THEMIS: variants seen among roughly 807,000 people sequenced by gnomAD.
THEMIS encodes the protein protein THEMIS.
Under a neutral mutation model 52.6 loss-of-function variants are expected in THEMIS, and 37 were observed. The observed-to-expected ratio is 0.70, with a 90% confidence interval of 0.54 to 0.93. THEMIS has a LOEUF of 0.93. Among genes scored for constraint, THEMIS ranks in the 40% least tolerant of loss-of-function variants. The probability of loss-of-function intolerance (pLI) is 0.00; values close to 1 mark genes in which losing one functional copy is unlikely to be tolerated. For synonymous variants in THEMIS, 292 were observed against 272.7 expected, an observed-to-expected ratio of 1.07 and a Z score of -0.70; for missense variants, 808 against 763.1, an observed-to-expected ratio of 1.06 and a Z score of -0.69.
chr6:127,851,938 A>G (rs968306717), intron 2 of THEMIS, among the ~76,000 whole-genome samples: 1 of 151,648 alleles, frequency 6.6e-6, no homozygotes, highest in Admixed American at 6.6e-5. Flanking sequence ...AATTTGATGT[A>G]TGCTTTCTAT....
At chr6:127,807,219 G>T in intron 4 of THEMIS, 1 of 185,526 alleles carries the variant, frequency 5.4e-6, no homozygotes, top group South Asian at 7.2e-5. Context: ...AAATTACCTG[G>T]ACGTGGTGGG....
chr6:127,904,725 T>A (rs9398859), upstream of THEMIS, among the ~76,000 whole-genome samples: 1 of 152,020 alleles, frequency 6.6e-6, no homozygotes, highest in Admixed American at 6.6e-5. Flanking sequence ...TTATTAGTCC[T>A]GCAATTTAAG....
chr6:127,719,293 G>T (rs1344398145), intron 5 of THEMIS, among the ~76,000 whole-genome samples: 1 of 151,836 alleles, frequency 6.6e-6, no homozygotes, highest in Non-Finnish European at 1.5e-5. Flanking sequence ...ATTCAAGCTT[G>T]CATTCAGTGA....
At chr6:127,707,358 T>G (rs1357801798), downstream of THEMIS, among the ~76,000 whole-genome samples, 1 of 152,112 alleles carries the variant, frequency 6.6e-6, no homozygotes, top group Non-Finnish European at 1.5e-5. Flanking sequence ...TCTAGATCAT[T>G]TTAGGAATTT....
chr6:127,755,098 T>C (rs781566647), intron 4 of THEMIS, among the ~76,000 whole-genome samples: 43 of 152,138 alleles, frequency 2.8e-4, no homozygotes, highest in Non-Finnish European at 5.1e-4. Context: ...GTCTGCTGTA[T>C]ACAAGGCATC....
At chr6:127,790,372 A>G (rs1437473293) in intron 4 of THEMIS, among the ~76,000 whole-genome samples, 1 of 152,226 alleles carries the variant, frequency 6.6e-6, no homozygotes, top group Admixed American at 6.5e-5. Context: ...ACTTTCTTCT[A>G]AACTTTTTAT....
intron 3 of THEMIS, among the ~76,000 whole-genome samples, chr6:127,826,091 A>G (rs1001185507): frequency 6.6e-6 from 1 of 152,182 alleles, no homozygotes; most frequent in African/African-American, 2.4e-5. Flanking sequence ...AATAGTTACT[A>G]TCTTAAAGTT....
downstream of THEMIS, among the ~76,000 whole-genome samples, chr6:127,707,109 C>T (rs766005012): frequency 6.6e-6 from 1 of 152,034 alleles, no homozygotes; most frequent in African/African-American, 2.4e-5. Flanking sequence ...TAAAAGCCAT[C>T]AGATCTCATG....
rs572707500 is a variant in THEMIS at position 127,740,434 on chromosome 6, A to T, written c.1759-20611T>A. Among the ~76,000 whole-genome samples the T allele has an allele frequency of 2.5e-5, 3 of 120,126 alleles. No individual in the cohort carries two copies. In the East Asian group the frequency reaches 6.3e-4, roughly 25 times the overall value. The allele number at this position is 120,126 out of a possible 152,430, so 78.8% of individuals were successfully genotyped here. ...TAAAAAAAACTTTATTGGATGTAAA[A>T]TTCAAACTGTGATTATTTTTAAAAT... is the stretch of plus-strand genomic sequence containing the variant. On this transcript the variant is annotated intron_variant, in intron 4 of 5. Coordinates refer to ENST00000368248, the MANE Select transcript of THEMIS (RefSeq NM_001010923.3).
intron 4 of THEMIS, among the ~76,000 whole-genome samples, chr6:127,736,692 A>G (rs970278902): frequency 1.3e-5 from 2 of 152,070 alleles, no homozygotes; most frequent in Non-Finnish European, 2.9e-5. Context: ...TTTCAGATCT[A>G]TGTTTGGATT....
At chr6:127,901,601 C>T (rs1199261311), upstream of THEMIS, among the ~76,000 whole-genome samples, 1 of 151,940 alleles carries the variant, frequency 6.6e-6, no homozygotes, top group Non-Finnish European at 1.5e-5. Flanking sequence ...ATAGAATATG[C>T]AAAATGATAC....
At chr6:127,819,731 G>T (rs1049546683) in intron 3 of THEMIS, among the ~76,000 whole-genome samples, 1 of 152,086 alleles carries the variant, frequency 6.6e-6, no homozygotes, top group African/African-American at 2.4e-5. Context: ...ACTTATGTGA[G>T]TAACAATTCA....
chr6:127,840,840 T>A (rs1242019106), intron 2 of THEMIS, among the ~76,000 whole-genome samples: 1 of 151,952 alleles, frequency 6.6e-6, no homozygotes, highest in Non-Finnish European at 1.5e-5. Flanking sequence ...GTGAAAGAAG[T>A]CAATCTTTAA....
intron 4 of THEMIS, among the ~76,000 whole-genome samples, chr6:127,751,552 C>G (rs1186287859): frequency 1.3e-5 from 2 of 151,508 alleles, no homozygotes; most frequent in Admixed American, 1.3e-4. Flanking sequence ...TGAGACAAAA[C>G]AGACTTTAAG....
chr6:127,754,522 T>G (rs1304090314), intron 4 of THEMIS, among the ~76,000 whole-genome samples: 1 of 152,150 alleles, frequency 6.6e-6, no homozygotes, highest in South Asian at 2.1e-4. Flanking sequence ...CAGAAACAAC[T>G]CAGCAAAATG....
chr6:127,829,448 T>C (rs1297272757), intron 3 of THEMIS, 28 bp downstream of exon 3: 1 of 1,546,688 alleles, frequency 6.5e-7, no homozygotes, highest in Admixed American at 1.9e-5. Flanking sequence ...CTCATGCTCA[T>C]AGAACATCAT....
In THEMIS at chr6:127,767,374, G is replaced by A. The variant is rs575663825; in HGVS notation, c.1758+45509C>T. On this transcript the variant is annotated intron_variant, in intron 4 of 5. Transcript: ENST00000368248. ...CCCAAAGTGCTGGGATTACAGACGT[G>A]AGCCACCACACCAGGCCAAATATTT... is the stretch of plus-strand genomic sequence containing the variant. Among the ~76,000 whole-genome samples, 89 of 152,232 alleles carry A rather than the reference G, an allele frequency of 5.8e-4. No individual in the cohort carries two copies. The Middle Eastern group carries it at 0.01, about 17-fold the overall frequency.
chr6:127,844,937 T>G (rs1779165489), intron 2 of THEMIS, among the ~76,000 whole-genome samples: 1 of 152,028 alleles, frequency 6.6e-6, no homozygotes. Flanking sequence ...ATTATTTCTT[T>G]TAAAATAATT....
At chr6:127,774,706 C>T (rs573620172) in intron 4 of THEMIS, among the ~76,000 whole-genome samples, 24 of 152,254 alleles carry the variant, frequency 1.6e-4, no homozygotes, top group Non-Finnish European at 2.9e-5. Context: ...GATGCATTTT[C>T]CTCTCACTTT....
Sources: gnomAD v4.1 joint callset for allele counts (sites outside exome capture counted in the v4.1 genomes callset) on GRCh38, gnomAD v4.1.1 for gene constraint, MANE v1.5 for transcripts, NCBI Gene and HGNC (gene_info 2026-07-23, HGNC 2026-07-21) for gene names.